Variants in GTF2I observed in about 807,000 individuals in gnomAD.
The protein encoded by GTF2I is general transcription factor II-I.
Under a neutral mutation model 67.6 loss-of-function variants are expected in GTF2I, and 12 were observed. The ratio of observed to expected loss-of-function variants is 0.18; its 90% CI spans 0.11 to 0.29. The LOEUF (loss-of-function observed/expected upper bound fraction) is 0.29. GTF2I is among the 10% of genes least tolerant of loss of function. The pLI, the probability that GTF2I is intolerant of heterozygous loss-of-function variation, is 1.00. For synonymous variants in GTF2I, 149 were observed against 197.0 expected, an observed-to-expected ratio of 0.76 and a Z score of 2.04; for missense variants, 271 against 580.1, an observed-to-expected ratio of 0.47 and a Z score of 5.47.
intron 1 of GTF2I, among the ~76,000 whole-genome samples, chr7:74,681,946 T>C (rs979730594): frequency 7.9e-5 from 12 of 151,436 alleles, no homozygotes; most frequent in Admixed American, 7.9e-4. Flanking sequence ...GATGTGATAG[T>C]TCTCTGCCTC....
intron 12 of GTF2I, among the ~76,000 whole-genome samples, chr7:74,720,733 GA>G (rs1343679731): frequency 1.4e-5 from 2 of 139,352 alleles, no homozygotes; most frequent in Non-Finnish European, 3.0e-5. Flanking sequence ...AAAGCAGATA[GA>G]AGCTGTATTT....
intron 4 of GTF2I, chr7:74,700,010 CTA>C: frequency 6.8e-6 from 3 of 441,902 alleles, no homozygotes; most frequent in South Asian, 3.0e-5. Flanking sequence ...ATTGCTCTCT[CTA>C]TGTGTTTTTT....
intron 3 of GTF2I, 134 bp from the exon 4 acceptor site, chr7:74,698,827 T>A: frequency 2.7e-6 from 1 of 375,294 alleles, no homozygotes; most frequent in Non-Finnish European, 4.7e-6. Flanking sequence ...AGTTTTTTCC[T>A]GTTAGAATAC....
intron 1 of GTF2I, among the ~76,000 whole-genome samples, chr7:74,660,810 C>A (rs1174513200): frequency 6.6e-6 from 1 of 151,834 alleles, no homozygotes. Flanking sequence ...CTTTCCTCTG[C>A]ATCTGGCCTA....
At chr7:74,680,798 A>G (rs587716760) in intron 1 of GTF2I, among the ~76,000 whole-genome samples, 8 of 152,344 alleles carry the variant, frequency 5.3e-5, no homozygotes, top group African/African-American at 1.7e-4. Context: ...AAGGAATCAG[A>G]TAATTAAAGC....
chr7:74,668,933 G>A (rs1554389583), intron 1 of GTF2I, among the ~76,000 whole-genome samples: 2 of 151,772 alleles, frequency 1.3e-5, no homozygotes, highest in African/African-American at 4.8e-5. Flanking sequence ...ACAGGATCTC[G>A]CTGTGTTGCC....
chr7:74,715,673 G>A (rs1169685573), intron 10 of GTF2I, among the ~76,000 whole-genome samples: 1 of 151,942 alleles, frequency 6.6e-6, no homozygotes, highest in Non-Finnish European at 1.5e-5. Flanking sequence ...AAAGAGAAAG[G>A]AAGTGTGTAG....
chr7:74,715,651 T>C (rs782634747), intron 10 of GTF2I, among the ~76,000 whole-genome samples: 1 of 151,930 alleles, frequency 6.6e-6, no homozygotes, highest in Admixed American at 6.6e-5. Context: ...AATTCAAATA[T>C]TAAGATTAAA....
chr7:74,675,608 T>A (rs1805831994), intron 1 of GTF2I, among the ~76,000 whole-genome samples: 1 of 152,152 alleles, frequency 6.6e-6, no homozygotes, highest in Non-Finnish European at 1.5e-5. Flanking sequence ...ATAGTTGTTG[T>A]CTAAGCCCTT....
rs1161320476 is a variant in GTF2I, at chr7:74,662,511, C to CTTTTTTTTTTTTTTTTTTT, written c.-6+4454_-6+4472dup. ...AGGCGTGAGCCACTGCACCTGGACC[C>CTTTTTTTTTTTTTTTTTTT]TTTTTTTTTTTTTTTTTTTTTTTTT... On this transcript the variant is annotated intron_variant, in intron 1 of 34. Coordinates refer to ENST00000573035, the MANE Select transcript of GTF2I (RefSeq NM_032999.4). Among the ~76,000 whole-genome samples the CTTTTTTTTTTTTTTTTTTT allele has an allele frequency of 1.4e-4, 7 of 50,200 alleles. 3 individuals are homozygous for CTTTTTTTTTTTTTTTTTTT. Among genetic ancestry groups the CTTTTTTTTTTTTTTTTTTT allele is most frequent in the African/African-American group, 2.5e-4 (3 of 12,026 alleles). The allele number at this position is 50,200 out of a possible 152,430, so 32.9% of individuals were successfully genotyped here. A position where few individuals can be genotyped will look rare whatever the true frequency, so the allele number is the denominator to read the frequency against.
chr7:74,705,079 C>T (rs1790440168), intron 6 of GTF2I, 85 bp from the exon 7 acceptor site: 2 of 828,308 alleles, frequency 2.4e-6, no homozygotes, highest in Non-Finnish European at 4.1e-6. Context: ...TAGTTCTACC[C>T]CACTAATTCT....
chr7:74,732,980 T>A (rs1164784474), intron 15 of GTF2I, among the ~76,000 whole-genome samples: 1 of 151,650 alleles, frequency 6.6e-6, no homozygotes, highest in East Asian at 1.9e-4. Flanking sequence ...TATATTTTTT[T>A]TTTCGAGATG....
chr7:74,723,280 C>A (rs967790184), intron 12 of GTF2I, among the ~76,000 whole-genome samples: 56 of 151,754 alleles, frequency 3.7e-4, no homozygotes, highest in Non-Finnish European at 8.8e-5. Context: ...CGCCCGCCAC[C>A]ATGCCTGGCT....
At chr7:74,704,408 A>G (rs1241177953) in intron 6 of GTF2I, among the ~76,000 whole-genome samples, 1 of 151,886 alleles carries the variant, frequency 6.6e-6, no homozygotes, top group African/African-American at 2.4e-5. Context: ...CTCCTGCCTC[A>G]GCCTTCTGAG....
At chr7:74,717,348 T>G (rs149502534) in intron 11 of GTF2I, among the ~76,000 whole-genome samples, 3 of 152,278 alleles carry the variant, frequency 2.0e-5, no homozygotes, top group African/African-American at 7.2e-5. Context: ...CTTAGTAGGG[T>G]AGGAATTTAG....
intron 9 of GTF2I, among the ~76,000 whole-genome samples, chr7:74,712,420 G>T (rs1365307577): frequency 6.6e-6 from 1 of 151,134 alleles, no homozygotes; most frequent in Non-Finnish European, 1.5e-5. Flanking sequence ...AGTTAACCAT[G>T]ATCTTGAAAA....
In GTF2I at chr7:74,674,467, C is replaced by T. The variant is rs587632556; in HGVS notation, c.-5-14657C>T. The stretch of plus-strand genomic sequence containing the variant: ...AGACTTGCATTCAAGTTCTGCCCAT[C>T]GTTTTGGTGATGGATGTCCTTTATT... On this transcript the variant is annotated intron_variant, in intron 1 of 34. Coordinates refer to ENST00000573035, the MANE Select transcript of GTF2I (RefSeq NM_032999.4). 1.1e-4 allele frequency among the ~76,000 whole-genome samples: 16 copies of T among 152,234 alleles called. No individual in the cohort carries two copies. The East Asian group carries it at 2.7e-3, about 26-fold the overall frequency.
intron 1 of GTF2I, among the ~76,000 whole-genome samples, chr7:74,663,891 G>A (rs781891439): frequency 7.9e-5 from 12 of 152,100 alleles, no homozygotes; most frequent in Non-Finnish European, 1.5e-4. Flanking sequence ...GTGCAGTGGC[G>A]TGATCTTGGC....
At chr7:74,710,914 G>A in intron 8 of GTF2I, 118 bp from the exon 9 acceptor site, 1 of 557,944 alleles carries the variant, frequency 1.8e-6, no homozygotes, top group South Asian at 2.4e-5. Context: ...AAGACGTAAA[G>A]TCTTTACTTA....
Sources: allele counts gnomAD v4.1 joint callset (sites outside exome capture counted in the v4.1 genomes callset), GRCh38; gene constraint gnomAD v4.1.1; transcripts MANE v1.5; gene names NCBI Gene and HGNC (gene_info 2026-07-23, HGNC 2026-07-21).